CCSER1: variants seen among roughly 807,000 people sequenced by gnomAD.
CCSER1 encodes the protein serine-rich coiled-coil domain-containing protein 1.
A neutral mutation model predicts 82.0 loss-of-function variants in CCSER1; 41 were observed. The ratio of observed to expected loss-of-function variants is 0.50; its 90% CI spans 0.39 to 0.65. The LOEUF (loss-of-function observed/expected upper bound fraction) is 0.65. Ranked by LOEUF, CCSER1 falls within the 30% of genes least tolerant of loss-of-function variation. CCSER1 has a pLI of 0.00. For synonymous variants in CCSER1, 414 were observed against 383.9 expected, an observed-to-expected ratio of 1.08 and a Z score of -0.92; for missense variants, 1,119 against 1,064.2, an observed-to-expected ratio of 1.05 and a Z score of -0.72.
intron 8 of CCSER1, among the ~76,000 whole-genome samples, chr4:90,851,778 A>G (rs1763923000): frequency 2.6e-5 from 4 of 152,078 alleles, no homozygotes; most frequent in South Asian, 4.1e-4. Context: ...AAAGTTGAAC[A>G]TGTTTCTTTT....
At chr4:91,562,048 G>T (rs77401419) in intron 10 of CCSER1, among the ~76,000 whole-genome samples, 14,599 of 151,348 alleles carry the variant, frequency 0.096, 894 homozygotes, top group East Asian at 0.15. Flanking sequence ...TAAGGGAAAT[G>T]GTGATTTCAG....
chr4:91,100,542 C>T (rs1264115133), intron 10 of CCSER1, among the ~76,000 whole-genome samples: 3 of 152,122 alleles, frequency 2.0e-5, no homozygotes, highest in Admixed American at 6.6e-5. Context: ...ATTTTACATT[C>T]CAAATCGGTT....
chr4:90,655,935 T>C (rs1729622368), intron 6 of CCSER1, among the ~76,000 whole-genome samples: 1 of 151,952 alleles, frequency 6.6e-6, no homozygotes, highest in Non-Finnish European at 1.5e-5. Flanking sequence ...GGCAAGATAT[T>C]CTAAGAGGCT....
chr4:91,186,762 G>T (rs1455210870), intron 10 of CCSER1, among the ~76,000 whole-genome samples: 1 of 152,234 alleles, frequency 6.6e-6, no homozygotes, highest in African/African-American at 2.4e-5. Flanking sequence ...TGAATTAAAG[G>T]AATAGGTTGG....
At chr4:90,347,325 C>CTATA (rs1742535699) in intron 3 of CCSER1, among the ~76,000 whole-genome samples, 1 of 151,860 alleles carries the variant, frequency 6.6e-6, no homozygotes, top group African/African-American at 2.4e-5. Flanking sequence ...ATCTATCTAT[C>CTATA]TATCTATCTA....
At chr4:90,171,752 A>C (rs1463620173) in intron 1 of CCSER1, among the ~76,000 whole-genome samples, 3 of 151,894 alleles carry the variant, frequency 2.0e-5, no homozygotes, top group Non-Finnish European at 4.4e-5. Context: ...TACAGTTAAA[A>C]GAGTTCTGCA....
intron 10 of CCSER1, among the ~76,000 whole-genome samples, chr4:91,364,801 C>T (rs903057675): frequency 6.6e-6 from 1 of 151,948 alleles, no homozygotes; most frequent in Non-Finnish European, 1.5e-5. Context: ...AGTTGTGGAT[C>T]TGAGCTAAGT....
intron 9 of CCSER1, among the ~76,000 whole-genome samples, chr4:90,977,103 T>C (rs1735679687): frequency 6.6e-6 from 1 of 151,516 alleles, no homozygotes. Flanking sequence ...CTCTCCTTCT[T>C]CATATTTGGA....
At chr4:91,414,326 G>A (rs996744679) in intron 10 of CCSER1, among the ~76,000 whole-genome samples, 8 of 152,146 alleles carry the variant, frequency 5.3e-5, no homozygotes, top group African/African-American at 9.6e-5. Context: ...GTTCTTCCAT[G>A]CAATTGAAGT....
chr4:90,268,652 A>T (rs1403410744), intron 1 of CCSER1, among the ~76,000 whole-genome samples: 1 of 152,078 alleles, frequency 6.6e-6, no homozygotes, highest in East Asian at 1.9e-4. Flanking sequence ...ACCACACAAA[A>T]CATCAGAAAA....
chr4:90,457,459 A>C (rs532212801), intron 4 of CCSER1, among the ~76,000 whole-genome samples: 2 of 152,290 alleles, frequency 1.3e-5, no homozygotes, highest in East Asian at 3.9e-4. Flanking sequence ...TGCGTGGGCA[A>C]CTGCAAGGTG....
intron 10 of CCSER1, among the ~76,000 whole-genome samples, chr4:91,412,659 A>G (rs929572560): frequency 1.3e-5 from 2 of 151,990 alleles, no homozygotes; most frequent in Non-Finnish European, 2.9e-5. Flanking sequence ...CCTGGCTCAA[A>G]CCCCACCAGA....
intron 8 of CCSER1, chr4:90,839,115 C>T (rs1580721465): frequency 7.6e-6 from 8 of 1,047,344 alleles, no homozygotes; most frequent in South Asian, 6.6e-5. Context: ...ACCGAGTTGT[C>T]GCCATAATAT....
chr4:91,040,179 G>GACATATTT (rs1741840376), intron 9 of CCSER1, among the ~76,000 whole-genome samples: 2 of 152,078 alleles, frequency 1.3e-5, no homozygotes, highest in Non-Finnish European at 2.9e-5. Flanking sequence ...CTGTGTCTGA[G>GACATATTT]AATATCTTAA....
intron 10 of CCSER1, among the ~76,000 whole-genome samples, chr4:91,577,348 T>G (rs925234478): frequency 1.3e-5 from 2 of 151,900 alleles, no homozygotes; most frequent in African/African-American, 2.4e-5. Flanking sequence ...AAGATCAGTG[T>G]TTCCAGAGAT....
At chr4:91,241,987 C>CAT (rs200707414) in intron 10 of CCSER1, among the ~76,000 whole-genome samples, 3,936 of 151,720 alleles carry the variant, frequency 0.026, 174 homozygotes, top group African/African-American at 0.091. Context: ...TATTTATGTG[C>CAT]ATATATATGT....
chr4:90,728,782 A>G (rs183810488), intron 7 of CCSER1, among the ~76,000 whole-genome samples: 47 of 152,330 alleles, frequency 3.1e-4, no homozygotes, highest in African/African-American at 1.1e-3. Flanking sequence ...AATGTGTAGT[A>G]ACACACAGTT....
chr4:90,607,030 T>G (rs1784817417), intron 5 of CCSER1, among the ~76,000 whole-genome samples: 1 of 152,198 alleles, frequency 6.6e-6, no homozygotes. Context: ...ATAATAATCA[T>G]TGCTAGTGGA....
intron 10 of CCSER1, among the ~76,000 whole-genome samples, chr4:91,472,727 A>G (rs1360892213): frequency 1.3e-5 from 2 of 152,144 alleles, no homozygotes; most frequent in Admixed American, 1.3e-4. Context: ...TAATATAGAG[A>G]CAGAATCTTA....
Sources: allele counts gnomAD v4.1 joint callset (sites outside exome capture counted in the v4.1 genomes callset), GRCh38; gene constraint gnomAD v4.1.1; transcripts MANE v1.5; gene names NCBI Gene and HGNC (gene_info 2026-07-23, HGNC 2026-07-21).